MSH3: variants seen among roughly 807,000 people sequenced by gnomAD.
MSH3 encodes DNA mismatch repair protein Msh3.
In MSH3, 106 loss-of-function variants were observed where a neutral mutation model predicts 123.3. That is an observed-to-expected ratio of 0.86 (90% CI 0.73 to 1.01). MSH3 has a LOEUF of 1.01. MSH3 is among the 50% of genes least tolerant of loss of function. MSH3 has a pLI of 0.00. For missense variants in MSH3, 1,459 were observed against 1,347.6 expected (o/e 1.08, Z -1.29); for synonymous variants, 515 against 481.4 (o/e 1.07, Z -0.91).
At chr5:80,853,474 C>CA (rs112083648) in intron 20 of MSH3, among the ~76,000 whole-genome samples, 1,534 of 126,198 alleles carry the variant, frequency 0.012, 29 homozygotes, top group African/African-American at 0.037. Flanking sequence ...AAACCCTGTC[C>CA]AAAAAAAAAA....
At chr5:80,670,695 T>C (rs989576110) in intron 4 of MSH3, among the ~76,000 whole-genome samples, 2 of 152,232 alleles carry the variant, frequency 1.3e-5, no homozygotes, top group African/African-American at 4.8e-5. Context: ...ACTCTTAATT[T>C]ATGAATTTTC....
chr5:80,746,078 A>G (rs1468537399), intron 12 of MSH3, among the ~76,000 whole-genome samples: 1 of 152,206 alleles, frequency 6.6e-6, no homozygotes, highest in Non-Finnish European at 1.5e-5. Flanking sequence ...GAAAGCCCAA[A>G]ATGCCACCTT....
intron 12 of MSH3, among the ~76,000 whole-genome samples, chr5:80,753,312 G>T (rs1002216069): frequency 3.3e-5 from 5 of 152,098 alleles, no homozygotes; most frequent in Admixed American, 2.6e-4. Context: ...CAGTTTCTAG[G>T]ATCTGCCCAG....
intron 8 of MSH3, among the ~76,000 whole-genome samples, chr5:80,700,682 A>G (rs538470801): frequency 1.3e-5 from 2 of 152,268 alleles, no homozygotes; most frequent in South Asian, 2.1e-4. Flanking sequence ...TAGTTATTTT[A>G]TAAGAACATT....
intron 2 of MSH3, among the ~76,000 whole-genome samples, chr5:80,658,251 G>C (rs1237956142): frequency 7.2e-6 from 1 of 139,724 alleles, no homozygotes; most frequent in Non-Finnish European, 1.6e-5. Context: ...TAGAGTCAGA[G>C]TTTTGCCATG....
chr5:80,752,029 C>G (rs968564899), intron 12 of MSH3, among the ~76,000 whole-genome samples: 2 of 151,998 alleles, frequency 1.3e-5, no homozygotes, highest in African/African-American at 4.8e-5. Flanking sequence ...GTACAGTTCT[C>G]TGAAAAGTTA....
chr5:80,776,911 AAT>A lies in MSH3; in HGVS notation c.2318+1170_2318+1171del, dbSNP rs1300433748. 8.3e-4 allele frequency among the ~76,000 whole-genome samples: 117 copies of A among 141,024 alleles called. No individual in the cohort carries two copies. The Middle Eastern group carries it at 0.015, about 18-fold the overall frequency. The allele number at this position is 141,024 out of a possible 152,430, so 92.5% of individuals were successfully genotyped here. A position where few individuals can be genotyped will look rare whatever the true frequency, so the allele number is the denominator to read the frequency against. On this transcript the variant is annotated intron_variant, in intron 16 of 23. Transcript: ENST00000265081. ...ACATATATACAAAAAATATAATACA[AAT>A]ATATATATATATATATTTTTTTTTT...
rs1194623149 is a variant in MSH3, at chr5:80,824,414, C to T, written c.2813+10673C>T. 4.0e-5 allele frequency among the ~76,000 whole-genome samples: 6 copies of T among 151,316 alleles called. No individual in the cohort carries two copies. The East Asian group carries it at 1.2e-3, about 30-fold the overall frequency. On this transcript the variant is annotated intron_variant, in intron 20 of 23. Coordinates refer to ENST00000265081, the MANE Select transcript of MSH3 (RefSeq NM_002439.5). Reference sequence around the variant, plus strand: ...CGGGGGCTGCCCCCCACCTCCCTCCCAGACGGGGCGGCTGGCCGGGCGGGG... The same window carrying T: ...CGGGGGCTGCCCCCCACCTCCCTCCTAGACGGGGCGGCTGGCCGGGCGGGG...
At chr5:80,688,316 A>G (rs1158921713) in intron 8 of MSH3, among the ~76,000 whole-genome samples, 2 of 152,246 alleles carry the variant, frequency 1.3e-5, no homozygotes, top group Non-Finnish European at 2.9e-5. Flanking sequence ...AACCTCTACT[A>G]TGTTTACTTT....
intron 19 of MSH3, among the ~76,000 whole-genome samples, chr5:80,810,172 C>CATATATATATATAT (rs113702568): frequency 0.056 from 6,816 of 121,006 alleles, 294 homozygotes; most frequent in South Asian, 0.088. Flanking sequence ...GTTTGACATA[C>CATATATATATATAT]ATATATATAT....
At chr5:80,860,574 C>G (rs1745998786) in intron 21 of MSH3, among the ~76,000 whole-genome samples, 1 of 151,108 alleles carries the variant, frequency 6.6e-6, no homozygotes, top group African/African-American at 2.4e-5. Context: ...TTCCCTCTGG[C>G]TTACTTCAGT....
intron 20 of MSH3, among the ~76,000 whole-genome samples, chr5:80,825,044 T>A (rs1280692931): frequency 2.0e-5 from 3 of 152,204 alleles, no homozygotes. Flanking sequence ...TTATATCCCA[T>A]TAAATTATAT....
Position 80,654,702 on chromosome 5 carries a change from C to G in MSH3, c.-26C>G, listed in dbSNP as rs1383442816. ...GCTCGCGCTCCTCGCCAGGCCCTGC[C>G]GCCGGGCTGCCATCCTTGCCCTGCC... is the stretch of plus-strand genomic sequence containing the variant. On this transcript the variant is annotated 5_prime_UTR_variant, in exon 1 of 24. Coordinates refer to ENST00000265081, the MANE Select transcript of MSH3 (RefSeq NM_002439.5). The G allele has an allele frequency of 1.3e-6, 2 of 1,578,896 alleles. No homozygotes were observed. The highest frequency in any genetic ancestry group is 1.7e-6 in the Non-Finnish European group (2 of 1,165,362).
chr5:80,844,034 T>G (rs530917318), intron 20 of MSH3, among the ~76,000 whole-genome samples: 1 of 152,104 alleles, frequency 6.6e-6, no homozygotes, highest in East Asian at 1.9e-4. Context: ...TTGTGGGCAT[T>G]TAGTGCTATA....
At chr5:80,798,400 A>G (rs1744735758) in intron 19 of MSH3, among the ~76,000 whole-genome samples, 1 of 152,214 alleles carries the variant, frequency 6.6e-6, no homozygotes, top group Non-Finnish European at 1.5e-5. Flanking sequence ...ATCTCAGTAC[A>G]AATAATGTCT....
At position 80,741,651 on chromosome 5, in the gene MSH3, T is replaced by C. The variant is rs6151746; in HGVS notation, c.1653+103T>C. 1.1e-3 allele frequency: 867 copies of C among 794,122 alleles called. 4 individuals carry two copies. The African/African-American group carries it at 0.013, about 12-fold the overall frequency. 49.2% of individuals were successfully genotyped at this position (794,122 alleles called of 1,614,324 possible). ...GAGGTACAGGTGAAAATATAGTGTC[T>C]TTAGCTGACTGCAGTATTAATTGAT... On this transcript the variant is annotated intron_variant, in intron 11 of 23. Coordinates refer to ENST00000265081, the MANE Select transcript of MSH3 (RefSeq NM_002439.5).
At chr5:80,703,354 C>G (rs550300193) in intron 8 of MSH3, among the ~76,000 whole-genome samples, 1 of 152,172 alleles carries the variant, frequency 6.6e-6, no homozygotes, top group African/African-American at 2.4e-5. Flanking sequence ...CTATCAACCT[C>G]CAGATATCAC....
chr5:80,775,075 T>C (rs910355010), intron 15 of MSH3, among the ~76,000 whole-genome samples: 1 of 152,128 alleles, frequency 6.6e-6, no homozygotes, highest in African/African-American at 2.4e-5. Flanking sequence ...CCAATAAATA[T>C]ATACAACTAC....
At chr5:80,840,173 G>C (rs941560166) in intron 20 of MSH3, among the ~76,000 whole-genome samples, 1 of 152,088 alleles carries the variant, frequency 6.6e-6, no homozygotes, top group Non-Finnish European at 1.5e-5. Context: ...TCATAGGCTA[G>C]TTTAAAAATG....
Sources: allele counts gnomAD v4.1 joint callset (sites outside exome capture counted in the v4.1 genomes callset), GRCh38; gene constraint gnomAD v4.1.1; transcripts MANE v1.5; gene names NCBI Gene and HGNC (gene_info 2026-07-23, HGNC 2026-07-21).